The following DLGAP1 variants were observed in gnomAD, a reference collection of about 807,000 sequenced individuals.
DLGAP1 encodes the protein DLG associated protein 1.
DLGAP1 carries 11 observed loss-of-function variants against 90.8 expected under a neutral mutation model. That is an observed-to-expected ratio of 0.12 (90% CI 0.08 to 0.20). The LOEUF (loss-of-function observed/expected upper bound fraction) is 0.20, where lower values mean the gene tolerates loss of function less well. Among genes scored for constraint, DLGAP1 ranks in the 10% least tolerant of loss-of-function variants. The pLI, the probability that DLGAP1 is intolerant of heterozygous loss-of-function variation, is 1.00. For missense variants in DLGAP1, 1,050 were observed against 1,333.8 expected, an observed-to-expected ratio of 0.79 and a Z score of 3.31; for synonymous variants, 558 against 540.7, an observed-to-expected ratio of 1.03 and a Z score of -0.44.
At chr18:4,080,725 T>C (rs2075593608) in intron 2 of DLGAP1, among the ~76,000 whole-genome samples, 1 of 152,186 alleles carries the variant, frequency 6.6e-6, no homozygotes, top group Admixed American at 6.5e-5. Flanking sequence ...TCCCATAACC[T>C]GTCTTGCCGC....
chr18:4,353,589 G>T (rs1411214320), intron 1 of DLGAP1, among the ~76,000 whole-genome samples: 1 of 151,928 alleles, frequency 6.6e-6, no homozygotes, highest in Non-Finnish European at 1.5e-5. Flanking sequence ...GAGCAAATTT[G>T]GCTTAGAGAA....
At position 3,496,619 on chromosome 18, in the gene DLGAP1, A is replaced by G. The variant is rs1371510731; in HGVS notation, c.*2566T>C. ...AAAATGCCCAACACCTTTATACCAA[A>G]GTTAAACAAAATAAGTAATTTTTCA... On this transcript the variant is annotated 3_prime_UTR_variant, in exon 13 of 13. Coordinates refer to ENST00000315677, the MANE Select transcript of DLGAP1 (RefSeq NM_004746.4). The G allele has an allele frequency of 6.6e-6, 1 of 152,180 alleles. No individual in the cohort carries two copies. Among genetic ancestry groups the G allele is most frequent in the African/African-American group, 2.4e-5 (1 of 41,440 alleles). The allele number at this position is 152,180 out of a possible 1,614,324, so 9.4% of individuals were successfully genotyped here. A position where few individuals can be genotyped will look rare whatever the true frequency, so the allele number is the denominator to read the frequency against.
chr18:4,206,935 T>C (rs1360280098), intron 1 of DLGAP1, among the ~76,000 whole-genome samples: 1 of 152,108 alleles, frequency 6.6e-6, no homozygotes, highest in African/African-American at 2.4e-5. Flanking sequence ...TATGTTTAAA[T>C]ATTAATGTAA....
At chr18:3,895,280 TACACAC>T (rs35493688) in intron 3 of DLGAP1, among the ~76,000 whole-genome samples, 5,198 of 137,310 alleles carry the variant, frequency 0.038, 145 homozygotes, top group African/African-American at 0.089. Flanking sequence ...GGATGTTTAT[TACACAC>T]ACACACACAC....
chr18:3,973,427 G>A (rs895652332), intron 3 of DLGAP1, among the ~76,000 whole-genome samples: 1 of 152,040 alleles, frequency 6.6e-6, no homozygotes, highest in African/African-American at 2.4e-5. Context: ...TATGAGCTCC[G>A]TCACCTTTGT....
chr18:3,644,660 G>A (rs2059056978), intron 7 of DLGAP1, among the ~76,000 whole-genome samples: 1 of 152,078 alleles, frequency 6.6e-6, no homozygotes, highest in Non-Finnish European at 1.5e-5. Flanking sequence ...TGATCCACCC[G>A]CCTCGGCCTC....
intron 1 of DLGAP1, among the ~76,000 whole-genome samples, chr18:4,360,071 G>A (rs1391074436): frequency 6.6e-6 from 1 of 152,168 alleles, no homozygotes; most frequent in Non-Finnish European, 1.5e-5. Context: ...ATGGAGCTTA[G>A]TAGAGAGGTC....
intron 7 of DLGAP1, among the ~76,000 whole-genome samples, chr18:3,583,163 TACCTACCTACCTA>T (rs2055637830): frequency 7.3e-6 from 1 of 136,888 alleles, no homozygotes; most frequent in African/African-American, 2.7e-5. Context: ...CCTACCTACC[TACCTACCTACCTA>T]CCTACCTACC....
intron 1 of DLGAP1, among the ~76,000 whole-genome samples, chr18:4,359,449 T>C (rs188785529): frequency 7.3e-4 from 111 of 152,290 alleles, no homozygotes; most frequent in African/African-American, 2.5e-3. Flanking sequence ...TCATACCCCC[T>C]TTTTCCAGTC....
intron 3 of DLGAP1, among the ~76,000 whole-genome samples, chr18:3,930,183 G>A (rs1248510660): frequency 6.6e-6 from 1 of 152,142 alleles, no homozygotes; most frequent in East Asian, 1.9e-4. Flanking sequence ...TGGGCCATAG[G>A]AAGTTCTTTT....
intron 7 of DLGAP1, among the ~76,000 whole-genome samples, chr18:3,636,575 C>A (rs1391888682): frequency 7.2e-6 from 1 of 137,964 alleles, no homozygotes; most frequent in Non-Finnish European, 1.6e-5. Flanking sequence ...CAATGCATGG[C>A]TAAATTTTGT....
intron 1 of DLGAP1, among the ~76,000 whole-genome samples, chr18:4,258,247 T>C (rs2078936043): frequency 6.6e-6 from 1 of 152,068 alleles, no homozygotes; most frequent in South Asian, 2.1e-4. Flanking sequence ...TCTCGTTGTG[T>C]TGCTCAGGCT....
intron 3 of DLGAP1, among the ~76,000 whole-genome samples, chr18:3,884,916 T>G (rs1268274874): frequency 6.6e-6 from 1 of 152,232 alleles, no homozygotes; most frequent in Non-Finnish European, 1.5e-5. Flanking sequence ...AATCTATCTT[T>G]CTGGTCAAGG....
At chr18:4,052,514 G>A (rs1263022109) in intron 2 of DLGAP1, among the ~76,000 whole-genome samples, 1 of 152,110 alleles carries the variant, frequency 6.6e-6, no homozygotes, top group Non-Finnish European at 1.5e-5. Flanking sequence ...ACAGCATGGG[G>A]GGCCCTGGAC....
intron 1 of DLGAP1, among the ~76,000 whole-genome samples, chr18:4,298,521 G>C (rs968661569): frequency 1.3e-5 from 2 of 150,414 alleles, no homozygotes. Context: ...ACTATCGCAA[G>C]AACAAAAAAC....
At chr18:3,657,422 T>C (rs991379115) in intron 7 of DLGAP1, among the ~76,000 whole-genome samples, 1 of 152,204 alleles carries the variant, frequency 6.6e-6, no homozygotes, top group African/African-American at 2.4e-5. Flanking sequence ...TAACCAATGG[T>C]GTCTGGTCCA....
At chr18:3,909,078 C>T (rs1473836429) in intron 3 of DLGAP1, among the ~76,000 whole-genome samples, 2 of 152,158 alleles carry the variant, frequency 1.3e-5, no homozygotes, top group Admixed American at 6.5e-5. Context: ...CTTTTCTCTA[C>T]ATTGGAAAAT....
At chr18:3,788,302 A>T (rs951559688) in intron 5 of DLGAP1, among the ~76,000 whole-genome samples, 6 of 152,176 alleles carry the variant, frequency 3.9e-5, no homozygotes, top group Admixed American at 1.3e-4. Context: ...TAGGGAGGAA[A>T]CTTTTAAAAG....
chr18:3,795,855 T>C (rs1174991139), intron 5 of DLGAP1, among the ~76,000 whole-genome samples: 4 of 152,002 alleles, frequency 2.6e-5, no homozygotes, highest in African/African-American at 9.7e-5. Context: ...TCCTCATATA[T>C]ACCAACCAAA....
Sources: allele counts gnomAD v4.1 joint callset (sites outside exome capture counted in the v4.1 genomes callset), GRCh38; gene constraint gnomAD v4.1.1; transcripts MANE v1.5; gene names NCBI Gene and HGNC (gene_info 2026-07-23, HGNC 2026-07-21).